Variants in ESYT2 observed in about 807,000 individuals in gnomAD.
ESYT2 encodes extended synaptotagmin-2.
A neutral mutation model predicts 107.2 loss-of-function variants in ESYT2; 54 were observed. That is an observed-to-expected ratio of 0.50 (90% CI 0.40 to 0.63). ESYT2 has a LOEUF of 0.63. Ranked by LOEUF, ESYT2 falls within the 30% of genes least tolerant of loss-of-function variation. The pLI is 0.00. For synonymous variants in ESYT2, 491 were observed against 434.1 expected, an observed-to-expected ratio of 1.13 and a Z score of -1.63; for missense variants, 1,020 against 1,094.5, an observed-to-expected ratio of 0.93 and a Z score of 0.96.
Position 158,767,699 on chromosome 7 carries a change from A to G in ESYT2, c.879T>C (p.Leu293=). The G allele has an allele frequency of 6.2e-7, 1 of 1,613,388 alleles. No homozygotes were observed. Among genetic ancestry groups the G allele is most frequent in the Non-Finnish European group, 8.5e-7 (1 of 1,179,620 alleles). Residue 293 remains leucine, a synonymous_variant, in exon 8 of 23, where the codon CTT becomes CTC. Transcript: ENST00000275418. ...ACTGAGCTATTTGAACTTCACTGACAAGTGGAACGGTGATTCGATTGGGAA... is the reference window on the plus strand; with the variant it reads ...ACTGAGCTATTTGAACTTCACTGACGAGTGGAACGGTGATTCGATTGGGAA... ...LVLPNRITVP[L]VSEVQIAQLR...
At chr7:158,745,626 C>G (rs1298269150) in intron 16 of ESYT2, among the ~76,000 whole-genome samples, 2 of 151,896 alleles carry the variant, frequency 1.3e-5, no homozygotes, top group Non-Finnish European at 2.9e-5. Context: ...CATAAAAGGG[C>G]TCATGTCATA....
At chr7:158,820,761 G>A (rs1344765427) in intron 1 of ESYT2, among the ~76,000 whole-genome samples, 1 of 152,114 alleles carries the variant, frequency 6.6e-6, no homozygotes, top group East Asian at 1.9e-4. Flanking sequence ...ACTCCAGTCT[G>A]GGCAACAGAG....
At chr7:158,740,121 G>A (rs59345485) in intron 18 of ESYT2, among the ~76,000 whole-genome samples, 3 of 152,096 alleles carry the variant, frequency 2.0e-5, no homozygotes, top group Admixed American at 6.5e-5. Flanking sequence ...TTTGACTGAC[G>A]AGAGGCTGAT....
chr7:158,735,053 C>T (rs1836879916), intron 21 of ESYT2, among the ~76,000 whole-genome samples: 1 of 152,188 alleles, frequency 6.6e-6, no homozygotes, highest in Non-Finnish European at 1.5e-5. Context: ...AAGGGTTGGC[C>T]CATGTGCCCT....
rs1159251833 is a variant in ESYT2, at chr7:158,741,571, A to T, written c.2120T>A (p.Leu707Gln). ...CCGCAGCTCCTGGGTGGCGATGGGC[A>T]GCGAGATGTCCGAGGCGATGCTGGG... ...PTPSIASDIS[L>Q]PIATQELRQR... Residue 707 changes from leucine (L) to glutamine (Q), a missense_variant, in exon 18 of 23, where the codon CTG becomes CAG. By Grantham distance (113) the Leu-to-Gln change is moderately radical. Transcript: ENST00000275418. 1.2e-6 allele frequency: 2 copies of T among 1,606,276 alleles called. No individual in the cohort carries two copies. Among genetic ancestry groups the T allele is most frequent in the Non-Finnish European group, 1.7e-6 (2 of 1,179,118 alleles).
In ESYT2 at chr7:158,757,995, G is replaced by C. The variant is rs972701352; in HGVS notation, c.1419+1491C>G. Among the ~76,000 whole-genome samples, 17 of 152,212 alleles carry C rather than the reference G, an allele frequency of 1.1e-4. 1 individual carries two copies. The highest frequency in any genetic ancestry group is 2.9e-5 in the Non-Finnish European group (2 of 68,044). ...CTACTGTATAGAAATTCTGTGGAAA[G>C]ATTAAATACTTAATGAAATAACTTT... is the stretch of plus-strand genomic sequence containing the variant. On this transcript the variant is annotated intron_variant, in intron 13 of 22. Transcript: ENST00000275418.
At chr7:158,787,968 A>G in intron 6 of ESYT2, 36 bp downstream of exon 6, 1 of 1,564,648 alleles carries the variant, frequency 6.4e-7, no homozygotes, top group African/African-American at 1.4e-5. Context: ...TTTGCCACCA[A>G]ATGGGAAAAT....
At chr7:158,829,014 G>A (rs1840547008) in intron 1 of ESYT2, 75 bp downstream of exon 1, 1 of 1,522,644 alleles carries the variant, frequency 6.6e-7, no homozygotes, top group Non-Finnish European at 8.7e-7. Context: ...GTCGCGGGGA[G>A]GGGAGTGCCT....
In ESYT2 at chr7:158,733,302, G is replaced by A. The variant is rs1836807206; in HGVS notation, c.*905C>T. 6.6e-6 allele frequency: 1 copy of A among 152,140 alleles called. No homozygotes were observed. The highest frequency in any genetic ancestry group is 1.5e-5 in the Non-Finnish European group (1 of 68,020). 9.4% of individuals were successfully genotyped at this position (152,140 alleles called of 1,614,324 possible). Reference sequence around the variant, plus strand: ...GTGTACCTTCCTTTTTTTATAGGCTGGGAAAACATTGAAAATTAACAAAGC... The same window carrying A: ...GTGTACCTTCCTTTTTTTATAGGCTAGGAAAACATTGAAAATTAACAAAGC... On this transcript the variant is annotated 3_prime_UTR_variant, in exon 23 of 23. Coordinates refer to ENST00000275418, the MANE Select transcript of ESYT2 (RefSeq NM_001367773.1).
At chr7:158,801,884 A>T (rs1317946391) in intron 1 of ESYT2, among the ~76,000 whole-genome samples, 1 of 152,220 alleles carries the variant, frequency 6.6e-6, no homozygotes, top group Non-Finnish European at 1.5e-5. Flanking sequence ...AAATATACAA[A>T]GACAGAACAT....
chr7:158,818,393 C>T (rs946245), intron 1 of ESYT2, among the ~76,000 whole-genome samples: 87,957 of 152,104 alleles, frequency 0.58, 27,227 homozygotes, highest in Non-Finnish European at 0.68. Context: ...TGAAATTTTA[C>T]GGCACACATA....
chr7:158,748,593 T>C lies in ESYT2; in HGVS notation c.1558-313A>G, dbSNP rs181742205. On this transcript the variant is annotated intron_variant, in intron 15 of 22. Transcript: ENST00000275418. Reference sequence around the variant, plus strand: ...CTGGCCTCGGTTCTGTAATGACTTTTGCACCAACGTAATAGCTCCTCCGAA... The same window carrying C: ...CTGGCCTCGGTTCTGTAATGACTTTCGCACCAACGTAATAGCTCCTCCGAA... Among the ~76,000 whole-genome samples, 304 of 152,316 alleles carry C rather than the reference T, an allele frequency of 2.0e-3. 3 individuals carry two copies. The highest frequency in any genetic ancestry group is 6.8e-3 in the African/African-American group (284 of 41,578).
chr7:158,759,668 T>C (rs976366236), intron 12 of ESYT2, 87 bp from the exon 13 acceptor site: 1 of 1,114,324 alleles, frequency 9.0e-7, no homozygotes, highest in Non-Finnish European at 1.3e-6. Context: ...TTGATTACGC[T>C]AAAAATAAGA....
chr7:158,768,619 T>A (rs1433330000), intron 7 of ESYT2, among the ~76,000 whole-genome samples: 2 of 152,062 alleles, frequency 1.3e-5, no homozygotes, highest in African/African-American at 4.8e-5. Flanking sequence ...GGGTTCACCA[T>A]GTTGGCGAGG....
chr7:158,799,194 T>G (rs1839560750), intron 1 of ESYT2, 122 bp from the exon 2 acceptor site: 1 of 875,524 alleles, frequency 1.1e-6, no homozygotes, highest in African/African-American at 1.7e-5. Context: ...TTTAAAACAC[T>G]CTGCTCTAAA....
chr7:158,757,355 C>T (rs1033437241), intron 13 of ESYT2, among the ~76,000 whole-genome samples: 1 of 152,190 alleles, frequency 6.6e-6, no homozygotes, highest in African/African-American at 2.4e-5. Flanking sequence ...TAGACTGAGG[C>T]GGTATTTTCA....
intron 18 of ESYT2, among the ~76,000 whole-genome samples, chr7:158,739,797 C>T (rs558693126): frequency 2.8e-5 from 4 of 140,600 alleles, no homozygotes; most frequent in Non-Finnish European, 6.1e-5. Flanking sequence ...TTTATACCCC[C>T]CCCTTCGCAG....
chr7:158,789,755 A>C (rs1457102077), intron 4 of ESYT2, among the ~76,000 whole-genome samples: 1 of 152,250 alleles, frequency 6.6e-6, no homozygotes, highest in Non-Finnish European at 1.5e-5. Flanking sequence ...ACAACAAAGC[A>C]GAATGCATAT....
chr7:158,737,533 A>C (rs1837010135), intron 19 of ESYT2, among the ~76,000 whole-genome samples: 1 of 152,020 alleles, frequency 6.6e-6, no homozygotes, highest in Non-Finnish European at 1.5e-5. Flanking sequence ...CCCCCACCCC[A>C]CAGTGCCTAC....
Sources: gnomAD v4.1 joint callset for allele counts (sites outside exome capture counted in the v4.1 genomes callset) on GRCh38, gnomAD v4.1.1 for gene constraint, MANE v1.5 for transcripts, NCBI Gene and HGNC (gene_info 2026-07-23, HGNC 2026-07-21) for gene names.